Variants in RGS6 observed in about 807,000 individuals in gnomAD.
RGS6 encodes the protein regulator of G-protein signaling 6.
RGS6 carries 30 observed loss-of-function variants against 78.5 expected under a neutral mutation model. The observed-to-expected ratio is 0.38, with a 90% confidence interval of 0.29 to 0.52. The LOEUF (loss-of-function observed/expected upper bound fraction) is 0.52. Among genes scored for constraint, RGS6 ranks in the 20% least tolerant of loss-of-function variants. The pLI is 0.85. For missense variants in RGS6, 495 were observed against 609.7 expected (o/e 0.81, Z 1.98); for synonymous variants, 206 against 206.0 (o/e 1.00, Z 0.00).
intron 3 of RGS6, among the ~76,000 whole-genome samples, chr14:72,389,726 T>C (rs1390223183): frequency 6.6e-6 from 1 of 152,238 alleles, no homozygotes; most frequent in Admixed American, 6.5e-5. Context: ...TCTAGTCATT[T>C]AGACACACAC....
At chr14:71,922,739 A>C in the RGS6 span, among the ~76,000 whole-genome samples, 1 of 152,206 alleles carries the variant, frequency 6.6e-6, no homozygotes, top group Non-Finnish European at 1.5e-5. Context: ...TAGTCTTTTA[A>C]AAAAATTATT....
chr14:72,336,968 C>T (rs1253299673), intron 2 of RGS6, among the ~76,000 whole-genome samples: 1 of 152,132 alleles, frequency 6.6e-6, no homozygotes, highest in East Asian at 1.9e-4. Flanking sequence ...ACACTAACAA[C>T]CTCATTTTAA....
intron 2 of RGS6, among the ~76,000 whole-genome samples, chr14:72,122,815 A>G (rs1013341913): frequency 4.0e-5 from 6 of 150,822 alleles, no homozygotes; most frequent in Non-Finnish European, 7.4e-5. Context: ...TTAAATATGG[A>G]AAAAAAAATC....
upstream of RGS6, among the ~76,000 whole-genome samples, chr14:71,930,479 G>A (rs547573664): frequency 6.6e-6 from 1 of 152,062 alleles, no homozygotes; most frequent in African/African-American, 2.4e-5. Flanking sequence ...ATACTACATA[G>A]ATATATCAGG....
chr14:72,115,384 A>G (rs576054809), intron 2 of RGS6, among the ~76,000 whole-genome samples: 1 of 152,334 alleles, frequency 6.6e-6, no homozygotes, highest in Admixed American at 6.5e-5. Flanking sequence ...GCAAAGACAA[A>G]TTAGAACCCA....
chr14:71,956,665 T>A (rs948094176), intron 1 of RGS6, among the ~76,000 whole-genome samples: 2 of 152,094 alleles, frequency 1.3e-5, no homozygotes, highest in African/African-American at 2.4e-5. Context: ...CCCACCAGAT[T>A]AAGGGTGGGT....
intron 2 of RGS6, among the ~76,000 whole-genome samples, chr14:72,048,798 C>T (rs1030809038): frequency 1.3e-5 from 2 of 151,956 alleles, no homozygotes; most frequent in Admixed American, 1.3e-4. Flanking sequence ...TTAAATTTCA[C>T]TAACAGTACA....
intron 2 of RGS6, among the ~76,000 whole-genome samples, chr14:72,145,433 G>C (rs2096595264): frequency 6.6e-6 from 1 of 152,168 alleles, no homozygotes; most frequent in South Asian, 2.1e-4. Context: ...ACAAGATGGA[G>C]TAGGTTAGGT....
the RGS6 span, among the ~76,000 whole-genome samples, chr14:71,872,198 G>A: frequency 2.0e-5 from 3 of 152,304 alleles, no homozygotes; most frequent in African/African-American, 7.2e-5. Context: ...ACTAAGAGAA[G>A]CTGAAAAATG....
the RGS6 span, among the ~76,000 whole-genome samples, chr14:71,906,308 T>A: frequency 6.6e-6 from 1 of 152,106 alleles, no homozygotes; most frequent in Non-Finnish European, 1.5e-5. Flanking sequence ...GTGGGCAGGG[T>A]GCTGTCTGCA....
chr14:72,138,046 G>C (rs2096475293), intron 2 of RGS6, among the ~76,000 whole-genome samples: 2 of 152,140 alleles, frequency 1.3e-5, no homozygotes, highest in South Asian at 4.1e-4. Context: ...TTATTTTGGA[G>C]ATTCCAAGGG....
chr14:72,208,096 C>T (rs1438754101), intron 2 of RGS6, among the ~76,000 whole-genome samples: 1 of 152,202 alleles, frequency 6.6e-6, no homozygotes, highest in Admixed American at 6.5e-5. Flanking sequence ...CAGTAAATCT[C>T]ATCCTTCTAG....
chr14:72,140,710 G>A (rs1475085133), intron 2 of RGS6, among the ~76,000 whole-genome samples: 1 of 152,234 alleles, frequency 6.6e-6, no homozygotes, highest in Non-Finnish European at 1.5e-5. Context: ...CAGCACCTGA[G>A]ATCACACTGT....
At chr14:71,992,488 A>G (rs1272118369) in intron 2 of RGS6, among the ~76,000 whole-genome samples, 1 of 152,226 alleles carries the variant, frequency 6.6e-6, no homozygotes, top group Non-Finnish European at 1.5e-5. Context: ...ACACCTGCCC[A>G]CAGCCCTGTG....
At chr14:71,879,466 C>T in the RGS6 span, among the ~76,000 whole-genome samples, 2 of 151,994 alleles carry the variant, frequency 1.3e-5, no homozygotes, top group Non-Finnish European at 2.9e-5. Flanking sequence ...TGGCTGTGTC[C>T]CCAGCCAAAT....
chr14:72,332,938 G>C (rs1261345401), intron 2 of RGS6, among the ~76,000 whole-genome samples: 1 of 148,900 alleles, frequency 6.7e-6, no homozygotes, highest in Non-Finnish European at 1.5e-5. Context: ...AGAGGCACAC[G>C]GGTGCAGCGA....
intron 2 of RGS6, among the ~76,000 whole-genome samples, chr14:71,995,473 T>C (rs890128190): frequency 6.6e-6 from 1 of 152,234 alleles, no homozygotes; most frequent in East Asian, 1.9e-4. Flanking sequence ...CAGATCATTC[T>C]CTGAGTCAAG....
intron 2 of RGS6, among the ~76,000 whole-genome samples, chr14:72,189,875 G>T (rs1383461598): frequency 6.6e-6 from 1 of 152,090 alleles, no homozygotes; most frequent in Non-Finnish European, 1.5e-5. Flanking sequence ...CATAAGCCAG[G>T]ATCCACATAT....
At chr14:71,967,014 A>G (rs17105025) in intron 2 of RGS6, among the ~76,000 whole-genome samples, 12,901 of 146,292 alleles carry the variant, frequency 0.088, 703 homozygotes, top group East Asian at 0.21. Flanking sequence ...TGTTTACAGG[A>G]AAAAAAAACT....
Sources: gnomAD v4.1 joint callset for allele counts (sites outside exome capture counted in the v4.1 genomes callset) on GRCh38, gnomAD v4.1.1 for gene constraint, MANE v1.5 for transcripts, NCBI Gene and HGNC (gene_info 2026-07-23, HGNC 2026-07-21) for gene names.